NEXMIF: variants seen among roughly 807,000 people sequenced by gnomAD.
The protein encoded by NEXMIF is neurite extension and migration factor.
NEXMIF carries 8 observed loss-of-function variants against 62.1 expected under a neutral mutation model. That is an observed-to-expected ratio of 0.13 (90% confidence interval 0.08 to 0.23). The LOEUF is 0.23. Ranked by LOEUF, NEXMIF falls within the 10% of genes least tolerant of loss-of-function variation. The pLI, the probability that NEXMIF is intolerant of heterozygous loss-of-function variation, is 1.00. For synonymous variants in NEXMIF, 404 were observed against 416.6 expected (o/e 0.97, Z 0.37); for missense variants, 976 against 1,113.3 (o/e 0.88, Z 1.75).
chrX:74,806,320 C>T (rs1775854187), intron 1 of NEXMIF, among the ~76,000 whole-genome samples: 1 of 111,268 alleles, frequency 9.0e-6, no homozygotes, highest in African/African-American at 3.3e-5. Context: ...GGGTACTATG[C>T]TCAGTACCTG....
At chrX:74,834,403 T>C (rs755521745) in intron 1 of NEXMIF, among the ~76,000 whole-genome samples, 2 of 111,519 alleles carry the variant, frequency 1.8e-5, no homozygotes, top group Non-Finnish European at 3.8e-5. Flanking sequence ...CCAGTGAGTT[T>C]TGTACCTTCA....
At chrX:74,883,141 T>C (rs927985020) in intron 1 of NEXMIF, among the ~76,000 whole-genome samples, 3 of 111,048 alleles carry the variant, frequency 2.7e-5, no homozygotes, top group Non-Finnish European at 5.7e-5. Flanking sequence ...CAAAAACCCA[T>C]CTGTACGTCA....
chrX:74,894,777 A>T (rs2080727851), intron 1 of NEXMIF, among the ~76,000 whole-genome samples: 1 of 112,645 alleles, frequency 8.9e-6, no homozygotes, highest in South Asian at 3.7e-4. Flanking sequence ...GCATTTGATA[A>T]AATTCAACAT....
intron 1 of NEXMIF, among the ~76,000 whole-genome samples, chrX:74,796,143 T>TTA (rs1218950491): frequency 6.7e-5 from 5 of 74,098 alleles, no homozygotes; most frequent in African/African-American, 2.1e-4. Context: ...AATATATATA[T>TTA]TATATATATA....
intron 1 of NEXMIF, among the ~76,000 whole-genome samples, chrX:74,857,622 G>A (rs1443151293): frequency 1.8e-5 from 2 of 111,472 alleles, no homozygotes; most frequent in Non-Finnish European, 1.9e-5. Context: ...ACTCCTGCTT[G>A]AGAAAAACAG....
chrX:74,905,006 G>A (rs1399142749), intron 1 of NEXMIF, among the ~76,000 whole-genome samples: 1 of 111,362 alleles, frequency 9.0e-6, no homozygotes, highest in East Asian at 2.8e-4. Flanking sequence ...CTGGTCCTAA[G>A]AGCCATCAAT....
At chrX:74,830,255 T>C (rs2080431729) in intron 1 of NEXMIF, among the ~76,000 whole-genome samples, 2 of 112,149 alleles carry the variant, frequency 1.8e-5, no homozygotes, top group Non-Finnish European at 3.8e-5. Flanking sequence ...TCAAGTTTCA[T>C]TCTTCTGCAT....
At chrX:74,760,517 T>C (rs1285673355) in intron 1 of NEXMIF, among the ~76,000 whole-genome samples, 1 of 112,123 alleles carries the variant, frequency 8.9e-6, no homozygotes, top group Admixed American at 9.5e-5. Flanking sequence ...TGATGTTGGC[T>C]GTGGGTTTGT....
In NEXMIF at chrX:74,798,115, A is replaced by G. The variant is rs933931715; in HGVS notation, c.-47-52418T>C. Among the ~76,000 whole-genome samples, 7 of 112,030 alleles carry G rather than the reference A, an allele frequency of 6.2e-5. No individual in the cohort carries two copies. The East Asian group carries it at 2.0e-3, about 32-fold the overall frequency. ...TGCCAGTAAACCCAAGTACCTTCAAAATGCCATTCTTGAGGGAGTGAGAGC... is the reference window on the plus strand; with the variant it reads ...TGCCAGTAAACCCAAGTACCTTCAAGATGCCATTCTTGAGGGAGTGAGAGC... On this transcript the variant is annotated intron_variant, in intron 1 of 3. Coordinates refer to ENST00000055682, the MANE Select transcript of NEXMIF (RefSeq NM_001008537.3).
rs970832283 is a variant in NEXMIF at position 74,918,031 on chromosome X, G to A, written c.-48+6852C>T. ...AGAAAAATGCTTGTACGGTAGCTGA[G>A]GGATGTGGCCCATAAATATACTAAT... On this transcript the variant is annotated intron_variant, in intron 1 of 3. Transcript: ENST00000055682. Among the ~76,000 whole-genome samples the A allele has an allele frequency of 3.6e-5, 4 of 111,321 alleles. No individual in the cohort carries two copies. The Admixed American group carries it at 3.8e-4, about 11-fold the overall frequency.
At chrX:74,827,201 A>G (rs2080421290) in intron 1 of NEXMIF, among the ~76,000 whole-genome samples, 2 of 112,535 alleles carry the variant, frequency 1.8e-5, no homozygotes, top group Non-Finnish European at 3.8e-5. Context: ...TAGTTTGCAT[A>G]TTTCATATCT....
At chrX:74,813,883 T>C (rs540631659) in intron 1 of NEXMIF, among the ~76,000 whole-genome samples, 228 of 112,060 alleles carry the variant, frequency 2.0e-3, no homozygotes, top group Middle Eastern at 0.014. Context: ...AAACATTTTG[T>C]TTACTCTAAA....
intron 1 of NEXMIF, among the ~76,000 whole-genome samples, chrX:74,839,615 T>C: frequency 8.9e-6 from 1 of 111,820 alleles, no homozygotes; most frequent in South Asian, 3.8e-4. Context: ...CTTCTTTGTG[T>C]TCATAAGTTC....
intron 1 of NEXMIF, among the ~76,000 whole-genome samples, chrX:74,855,688 T>C (rs1278755635): frequency 8.9e-6 from 1 of 112,041 alleles, no homozygotes. Context: ...AAGTGAAGGC[T>C]AAGGCAAAGC....
intron 1 of NEXMIF, among the ~76,000 whole-genome samples, chrX:74,829,484 G>A (rs982954866): frequency 1.8e-5 from 2 of 111,990 alleles, no homozygotes; most frequent in African/African-American, 6.5e-5. Flanking sequence ...TCCAAATCTT[G>A]GCTATTGTGA....
At chrX:74,812,614 G>A (rs1377692640) in intron 1 of NEXMIF, among the ~76,000 whole-genome samples, 1 of 110,860 alleles carries the variant, frequency 9.0e-6, no homozygotes, top group African/African-American at 3.3e-5. Flanking sequence ...TAGGAGGAGG[G>A]GCAGGCCAGA....
At chrX:74,826,250 T>C (rs896129651) in intron 1 of NEXMIF, among the ~76,000 whole-genome samples, 1 of 112,492 alleles carries the variant, frequency 8.9e-6, no homozygotes, top group South Asian at 3.6e-4. Context: ...GGTTTTGATT[T>C]ACATTTCTCT....
chrX:74,739,491 C>A lies in NEXMIF; in HGVS notation c.4465G>T (p.Asp1489Tyr). ...TASFEKLRDS[D>Y]YNLLKAETTF... ...GTTTCTGCTTTTAGGAGATTGTAGT[C>A]GGAATCCCTGCAGAAAAATCAAACA... The change falls in exon 4 of 4, where the codon GAC becomes TAC. Residue 1489 changes from aspartate to tyrosine, a missense_variant. By Grantham distance (160) the Asp-to-Tyr change is radical (BLOSUM62 -3). Coordinates refer to ENST00000055682, the MANE Select transcript of NEXMIF (RefSeq NM_001008537.3). 8.4e-7 allele frequency: 1 copy of A among 1,185,997 alleles called. No individual in the cohort carries two copies.
chrX:74,763,536 G>C (rs1472079017), intron 1 of NEXMIF, among the ~76,000 whole-genome samples: 1 of 111,709 alleles, frequency 9.0e-6, no homozygotes, highest in African/African-American at 3.3e-5. Flanking sequence ...TGATGGCATT[G>C]AATCTATAAA....
Sources: allele counts gnomAD v4.1 joint callset (sites outside exome capture counted in the v4.1 genomes callset), GRCh38; gene constraint gnomAD v4.1.1; transcripts MANE v1.5; gene names NCBI Gene and HGNC (gene_info 2026-07-23, HGNC 2026-07-21).